ZBTB24: variants seen among roughly 807,000 people sequenced by gnomAD.
ZBTB24 encodes the protein zinc finger and BTB domain containing 24.
Under a neutral mutation model 53.8 loss-of-function variants are expected in ZBTB24, and 32 were observed. That is an observed-to-expected ratio of 0.60 (90% CI 0.45 to 0.80). ZBTB24 has a LOEUF of 0.80. Ranked by LOEUF, ZBTB24 falls within the 30% of genes least tolerant of loss-of-function variation. ZBTB24 has a pLI of 0.00. For synonymous variants in ZBTB24, 297 were observed against 306.7 expected, an observed-to-expected ratio of 0.97 and a Z score of 0.33; for missense variants, 722 against 837.1, an observed-to-expected ratio of 0.86 and a Z score of 1.70.
intron 2 of ZBTB24, among the ~76,000 whole-genome samples, chr6:109,477,524 G>A (rs1158701106): frequency 6.6e-6 from 1 of 152,160 alleles, no homozygotes; most frequent in African/African-American, 2.4e-5. Flanking sequence ...TCTGGAAACA[G>A]GGGTGAGGGA....
Position 109,475,427 on chromosome 6 carries a change from C to T in ZBTB24, c.1260G>A (p.Gln420=). ...DCHRKFMDVS[Q]LKKHLRTHTG... ...TGTGTGTTCGCAGATGTTTCTTTAG[C>T]TGAGACACATCCATGAATTTGCGAT... is the stretch of plus-strand genomic sequence containing the variant. The change falls in exon 5 of 7, where the codon CAG becomes CAA. Residue 420 remains glutamine, a synonymous_variant. Coordinates refer to ENST00000230122, the MANE Select transcript of ZBTB24 (RefSeq NM_014797.3). 6.2e-7 allele frequency: 1 copy of T among 1,614,168 alleles called. No individual in the cohort carries two copies.
chr6:109,476,448 G>A (rs1377317291), intron 3 of ZBTB24, among the ~76,000 whole-genome samples, 190 bp from the exon 4 acceptor site: 3 of 152,168 alleles, frequency 2.0e-5, no homozygotes, highest in Admixed American at 6.5e-5. Flanking sequence ...TAAGGCAATC[G>A]GGAGTACTGG....
Position 109,466,142 on chromosome 6 carries a change from T to G in ZBTB24, c.1803A>C (p.Gln601His). 2 of 1,614,264 alleles carry G rather than the reference T, an allele frequency of 1.2e-6. No individual in the cohort carries two copies. The highest frequency in any genetic ancestry group is 1.7e-6 in the Non-Finnish European group (2 of 1,180,042). Residue 601 changes from glutamine to histidine, a missense_variant, in exon 7 of 7, where the codon CAA (glutamine) becomes CAC (histidine). Gln to His is a conservative substitution (Grantham distance 24). Transcript: ENST00000230122. ...NLTLLTQQPEQLQNLILSAQQ... is the reference protein window; with the variant it reads ...NLTLLTQQPEHLQNLILSAQQ... Reference sequence around the variant, plus strand: ...GAGCTGAAAGAATTAAATTCTGCAGTTGCTCTGGCTGCTGCGTGAGCAGGG... The same window carrying G: ...GAGCTGAAAGAATTAAATTCTGCAGGTGCTCTGGCTGCTGCGTGAGCAGGG...
At position 109,463,849 on chromosome 6, in the gene ZBTB24, T is replaced by C. The variant is rs1423520484; in HGVS notation, c.*2002A>G. On this transcript the variant is annotated 3_prime_UTR_variant, in exon 7 of 7. Transcript: ENST00000230122. ...TTTTCACCTGCTTCTTTTTATGTTT[T>C]TAAAAGTTGCTACTAGAACATTTAA... 2.0e-5 allele frequency: 3 copies of C among 152,270 alleles called. No individual in the cohort carries two copies. The highest frequency in any genetic ancestry group is 4.4e-5 in the Non-Finnish European group (3 of 68,044). The allele number at this position is 152,270 out of a possible 1,614,324, so 9.4% of individuals were successfully genotyped here. A position where few individuals can be genotyped will look rare whatever the true frequency, so the allele number is the denominator to read the frequency against.
In ZBTB24 at chr6:109,467,778, A is replaced by G; in HGVS notation, c.1289-44T>C. The stretch of plus-strand genomic sequence containing the variant: ...AAAACAAAAAACCCAAAACAAAAAA[A>G]CATTTAACAATATACATTCAGAATA... On this transcript the variant is annotated intron_variant, in intron 5 of 6. Transcript: ENST00000230122. The G allele has an allele frequency of 1.9e-6, 3 of 1,598,340 alleles. No homozygotes were observed. The South Asian group carries it at 3.4e-5, about 18-fold the overall frequency.
intron 5 of ZBTB24, among the ~76,000 whole-genome samples, chr6:109,474,085 CAAAA>C (rs56295486): frequency 2.9e-5 from 3 of 103,576 alleles, no homozygotes; most frequent in African/African-American, 3.3e-5. Context: ...ACAGTGACTC[CAAAA>C]AAAAAAAAAA....
At chr6:109,475,371 TG>T in intron 5 of ZBTB24, 27 bp downstream of exon 5, 3 of 1,613,144 alleles carry the variant, frequency 1.9e-6, no homozygotes, top group Admixed American at 3.3e-5. Context: ...TCCCGTGTAC[TG>T]GGGGGACAGA....
At chr6:109,475,172 C>T (rs904716812) in intron 5 of ZBTB24, among the ~76,000 whole-genome samples, 1 of 152,158 alleles carries the variant, frequency 6.6e-6, no homozygotes, top group Non-Finnish European at 1.5e-5. Flanking sequence ...GAATAGTCCT[C>T]AGTAAGTGAT....
chr6:109,475,372 G>C, intron 5 of ZBTB24, 27 bp downstream of exon 5: 1 of 1,612,038 alleles, frequency 6.2e-7, no homozygotes, highest in Non-Finnish European at 8.5e-7. Context: ...CCCGTGTACT[G>C]GGGGGACAGA....
chr6:109,482,728 C>G (rs1329555300), intron 1 of ZBTB24, among the ~76,000 whole-genome samples: 2 of 152,128 alleles, frequency 1.3e-5, no homozygotes, highest in South Asian at 4.1e-4. Flanking sequence ...TCCGCAAGCA[C>G]GAACTTTCTA....
rs1230620577 is a variant in ZBTB24, at chr6:109,466,037, G to T, written c.1908C>A (p.His636Gln). 6.2e-7 allele frequency: 1 copy of T among 1,614,062 alleles called. No homozygotes were observed. Among genetic ancestry groups the T allele is most frequent in the African/African-American group, 1.3e-5 (1 of 74,918 alleles). ...GTGTTTCCTTGGACAGAGTGATCAC[G>T]TGCACTGGCTCTGTTTGTGAGGGCC... ...QMGPSQTEPV[H>Q]VITLSKETLE... is the part of the protein sequence containing the mutation. Residue 636 changes from histidine to glutamine, a missense_variant, in exon 7 of 7, where the codon CAC becomes CAA. Transcript: ENST00000230122.
At chr6:109,478,687 TAAGA>T (rs1776330842) in intron 2 of ZBTB24, among the ~76,000 whole-genome samples, 1 of 151,958 alleles carries the variant, frequency 6.6e-6, no homozygotes, top group South Asian at 2.1e-4. Context: ...GGCAACAGCC[TAAGA>T]AATAAATAAA....
intron 5 of ZBTB24, among the ~76,000 whole-genome samples, chr6:109,472,499 C>T (rs1776187344): frequency 6.6e-6 from 1 of 152,186 alleles, no homozygotes; most frequent in Non-Finnish European, 1.5e-5. Context: ...ACCTCACTCC[C>T]CCTTATGCTC....
In ZBTB24 at chr6:109,481,165, G is replaced by T. The variant is rs1776400944; in HGVS notation, c.862C>A (p.Arg288Ser). Residue 288 changes from arginine (R) to serine (S), a missense_variant, in exon 2 of 7, where the codon CGC becomes AGC. Arg to Ser is a moderately radical substitution (Grantham distance 110). Coordinates refer to ENST00000230122, the MANE Select transcript of ZBTB24 (RefSeq NM_014797.3). ...CAGCGGGCCTCAGGGCCTCCAGGGC[G>T]CTTTCTCCTTCCACAGATCCTCTTG... ...SAKRICGRRK[R>S]PGGPEARCKD... The T allele has an allele frequency of 6.2e-7, 1 of 1,614,196 alleles. No homozygotes were observed.
chr6:109,476,380 T>C, intron 3 of ZBTB24, 122 bp from the exon 4 acceptor site: 1 of 965,340 alleles, frequency 1.0e-6, no homozygotes, highest in South Asian at 1.4e-5. Context: ...ACAAGCGACT[T>C]GTTTACATAC....
chr6:109,482,113 G>T, intron 1 of ZBTB24, 59 bp from the exon 2 acceptor site: 1 of 1,175,156 alleles, frequency 8.5e-7, no homozygotes, highest in Non-Finnish European at 1.3e-6. Context: ...GTTAATGCCA[G>T]CCCACATGAA....
chr6:109,475,310 C>T lies in ZBTB24; in HGVS notation c.1288+89G>A, dbSNP rs563903532. 23 of 1,470,484 alleles carry T rather than the reference C, an allele frequency of 1.6e-5. No individual in the cohort carries two copies. The African/African-American group carries it at 2.9e-4, about 19-fold the overall frequency. 91.1% of individuals were successfully genotyped at this position (1,470,484 alleles called of 1,614,324 possible). A position where few individuals can be genotyped will look rare whatever the true frequency, so the allele number is the denominator to read the frequency against. On this transcript the variant is annotated intron_variant, in intron 5 of 6. Transcript: ENST00000230122. ...AATTTATAATAAACATTTCCAAACA[C>T]AGGCTTAGCAGGGCACTCAGAGAAC...
Position 109,481,360 on chromosome 6 carries a change from AAGT to A in ZBTB24, c.664_666del (p.Thr222del). The A allele has an allele frequency of 6.2e-7, 1 of 1,614,138 alleles. No individual in the cohort carries two copies. Reference sequence around the variant, plus strand: ...ATTTCCTCCTCTCTACTTGGCTCACAAGTAGGCTCCGATTCTTCCTTTTCTTTT... The same window carrying A: ...ATTTCCTCCTCTCTACTTGGCTCACAAGGCTCCGATTCTTCCTTTTCTTTT... On this transcript the variant is annotated inframe_deletion, in exon 2 of 7. Transcript: ENST00000230122.
At chr6:109,477,261 G>C (rs1361187456) in intron 2 of ZBTB24, among the ~76,000 whole-genome samples, 1 of 152,204 alleles carries the variant, frequency 6.6e-6, no homozygotes, top group African/African-American at 2.4e-5. Context: ...TCAGCCTCCT[G>C]AGTAGCTGGG....
Sources: gnomAD v4.1 joint callset for allele counts (sites outside exome capture counted in the v4.1 genomes callset) on GRCh38, gnomAD v4.1.1 for gene constraint, MANE v1.5 for transcripts, NCBI Gene and HGNC (gene_info 2026-07-23, HGNC 2026-07-21) for gene names.